AGBL4: variants seen among roughly 807,000 people sequenced by gnomAD.
The protein encoded by AGBL4 is AGBL carboxypeptidase 4, also known as cytosolic carboxypeptidase 6.
AGBL4 carries 58 observed loss-of-function variants against 66.4 expected under a neutral mutation model. The observed-to-expected ratio is 0.87, with a 90% CI of 0.71 to 1.09. The LOEUF is 1.09. Among genes scored for constraint, AGBL4 ranks in the 50% least tolerant of loss-of-function variants. The pLI is 0.00. For synonymous variants in AGBL4, 234 were observed against 222.9 expected (o/e 1.05, Z -0.44); for missense variants, 579 against 631.0 (o/e 0.92, Z 0.88).
chr1:49,223,740 A>T (rs773087077), intron 4 of AGBL4, among the ~76,000 whole-genome samples: 50 of 152,226 alleles, frequency 3.3e-4, no homozygotes, highest in Non-Finnish European at 6.6e-4. Context: ...GCAGCTGTTC[A>T]TTAAGTGTTC....
chr1:49,127,432 G>A (rs1193341593), intron 4 of AGBL4, among the ~76,000 whole-genome samples: 5 of 152,074 alleles, frequency 3.3e-5, no homozygotes, highest in African/African-American at 7.2e-5. Flanking sequence ...AAAAACGTAT[G>A]AAAATTTAAA....
intron 1 of AGBL4, among the ~76,000 whole-genome samples, chr1:49,937,179 G>C (rs1207220275): frequency 6.6e-6 from 1 of 152,002 alleles, no homozygotes; most frequent in African/African-American, 2.4e-5. Flanking sequence ...AAAAAGGCAA[G>C]GGTTGCAATC....
chr1:49,532,339 T>G (rs938890168), intron 3 of AGBL4, among the ~76,000 whole-genome samples: 1 of 152,092 alleles, frequency 6.6e-6, no homozygotes, highest in African/African-American at 2.4e-5. Flanking sequence ...TAACCCTAAA[T>G]CAAATGGATA....
At position 49,400,234 on chromosome 1, in the gene AGBL4, G is replaced by T. The variant is rs889780114; in HGVS notation, c.283-154370C>A. Among the ~76,000 whole-genome samples, 3 of 152,090 alleles carry T rather than the reference G, an allele frequency of 2.0e-5. No homozygotes were observed. The South Asian group carries it at 6.2e-4, about 32-fold the overall frequency. ...CTGGGTTCTCTATTATGTTCCACTG[G>T]TCTATTATGTTTGTTTTTATGCCAG... On this transcript the variant is annotated intron_variant, in intron 3 of 13. Coordinates refer to ENST00000371839, the MANE Select transcript of AGBL4 (RefSeq NM_032785.4).
At chr1:49,668,327 G>A (rs939038988) in intron 3 of AGBL4, among the ~76,000 whole-genome samples, 39 of 152,030 alleles carry the variant, frequency 2.6e-4, no homozygotes, top group South Asian at 2.1e-4. Context: ...AATTCACACA[G>A]GCTGTTATTT....
In AGBL4 at chr1:49,657,963, T is replaced by C. The variant is rs538092152; in HGVS notation, c.282+39350A>G. 2.2e-4 allele frequency among the ~76,000 whole-genome samples: 33 copies of C among 152,236 alleles called. No homozygotes were observed. The East Asian group carries it at 3.5e-3, about 16-fold the overall frequency. ...TAGGCATGGGCAAGGACTTCATGTC[T>C]AAAACACCAAAAGCAATGGCAACCA... On this transcript the variant is annotated intron_variant, in intron 3 of 13. Transcript: ENST00000371839.
intron 5 of AGBL4, among the ~76,000 whole-genome samples, chr1:48,953,765 C>A (rs941092165): frequency 3.3e-5 from 5 of 152,098 alleles, no homozygotes; most frequent in Non-Finnish European, 4.4e-5. Flanking sequence ...TTAAGATTCC[C>A]AGAGAGGAAT....
At chr1:49,299,877 A>AT (rs550233960) in intron 3 of AGBL4, among the ~76,000 whole-genome samples, 28 of 151,344 alleles carry the variant, frequency 1.9e-4, no homozygotes, top group African/African-American at 6.3e-4. Context: ...AATTCTGTCA[A>AT]TTTTTTTTCC....
At chr1:49,904,774 CTT>C (rs748542777) in intron 1 of AGBL4, among the ~76,000 whole-genome samples, 3 of 152,288 alleles carry the variant, frequency 2.0e-5, no homozygotes, top group East Asian at 3.9e-4. Context: ...CTGTGAAAAA[CTT>C]TAAGTTCTAC....
At chr1:49,035,720 C>A (rs1446683512) in intron 5 of AGBL4, among the ~76,000 whole-genome samples, 1 of 151,856 alleles carries the variant, frequency 6.6e-6, no homozygotes, top group East Asian at 1.9e-4. Flanking sequence ...TGTCACCTGA[C>A]ACTCCTGGGG....
chr1:48,972,085 T>C (rs183100982), intron 5 of AGBL4, among the ~76,000 whole-genome samples: 1 of 152,150 alleles, frequency 6.6e-6, no homozygotes, highest in African/African-American at 2.4e-5. Context: ...CCTTCTTGGA[T>C]ACTAGTTTCC....
At chr1:49,667,148 CATAT>C (rs1646387254) in intron 3 of AGBL4, among the ~76,000 whole-genome samples, 1 of 152,040 alleles carries the variant, frequency 6.6e-6, no homozygotes, top group African/African-American at 2.4e-5. Flanking sequence ...TATGTAACTA[CATAT>C]ATTGTCTACA....
chr1:49,334,221 G>A (rs940207643), intron 3 of AGBL4, among the ~76,000 whole-genome samples: 3 of 152,098 alleles, frequency 2.0e-5, no homozygotes, highest in African/African-American at 7.2e-5. Flanking sequence ...TAAGGAAACT[G>A]AAGCATAACA....
At chr1:48,528,596 A>T (rs992555318), downstream of AGBL4, among the ~76,000 whole-genome samples, 3 of 152,016 alleles carry the variant, frequency 2.0e-5, no homozygotes, top group Non-Finnish European at 1.5e-5. Context: ...TGTCCTAGTT[A>T]CTTACTGGCT....
At chr1:49,482,219 T>A (rs1428002452) in intron 3 of AGBL4, among the ~76,000 whole-genome samples, 1 of 151,962 alleles carries the variant, frequency 6.6e-6, no homozygotes, top group Non-Finnish European at 1.5e-5. Context: ...AGCTCTTTGT[T>A]TGTACATCTG....
chr1:48,717,644 T>C (rs1301545582), intron 6 of AGBL4, among the ~76,000 whole-genome samples: 2 of 152,228 alleles, frequency 1.3e-5, no homozygotes, highest in Non-Finnish European at 2.9e-5. Context: ...AAGGTGAATC[T>C]TGAAATGGCT....
At chr1:49,655,786 C>T (rs1333149824) in intron 3 of AGBL4, among the ~76,000 whole-genome samples, 4 of 152,066 alleles carry the variant, frequency 2.6e-5, no homozygotes, top group Admixed American at 2.6e-4. Context: ...AAAAGATCAA[C>T]AAAATTGATA....
intron 6 of AGBL4, among the ~76,000 whole-genome samples, chr1:48,857,947 A>G: frequency 6.6e-6 from 1 of 152,342 alleles, no homozygotes; most frequent in East Asian, 1.9e-4. Flanking sequence ...TATCCAGAAT[A>G]TATATTCTGA....
intron 3 of AGBL4, among the ~76,000 whole-genome samples, chr1:49,308,016 G>C (rs1029166150): frequency 2.6e-5 from 4 of 152,040 alleles, no homozygotes; most frequent in African/African-American, 9.7e-5. Context: ...TCTCATGATA[G>C]TGAGTTCTCA....
Sources: allele counts gnomAD v4.1 joint callset (sites outside exome capture counted in the v4.1 genomes callset), GRCh38; gene constraint gnomAD v4.1.1; transcripts MANE v1.5; gene names NCBI Gene and HGNC (gene_info 2026-07-23, HGNC 2026-07-21).